The following DLG2 variants were observed in gnomAD, a reference collection of about 807,000 sequenced individuals.
DLG2 encodes the protein disks large homolog 2.
In DLG2, 45 loss-of-function variants were observed where a neutral mutation model predicts 132.5. The ratio of observed to expected loss-of-function variants is 0.34; its 90% CI spans 0.27 to 0.44. DLG2 has a LOEUF of 0.44. Among genes scored for constraint, DLG2 ranks in the 20% least tolerant of loss-of-function variants. DLG2 has a pLI of 1.00. For synonymous variants in DLG2, 424 were observed against 419.6 expected, an observed-to-expected ratio of 1.01 and a Z score of -0.13; for missense variants, 1,045 against 1,196.9, an observed-to-expected ratio of 0.87 and a Z score of 1.87.
At chr11:85,490,861 A>G (rs1346360078) in intron 3 of DLG2, among the ~76,000 whole-genome samples, 1 of 152,112 alleles carries the variant, frequency 6.6e-6, no homozygotes, top group East Asian at 1.9e-4. Context: ...AAAAACTAAT[A>G]CCAATCCTCC....
intron 11 of DLG2, among the ~76,000 whole-genome samples, chr11:84,000,745 A>G (rs933022949): frequency 1.3e-5 from 2 of 152,140 alleles, no homozygotes; most frequent in Non-Finnish European, 1.5e-5. Context: ...AGCCAATGAT[A>G]CTATGTACAG....
chr11:83,912,356 C>T (rs1371777716), intron 15 of DLG2, among the ~76,000 whole-genome samples: 1 of 152,000 alleles, frequency 6.6e-6, no homozygotes, highest in East Asian at 1.9e-4. Context: ...GCTGCAAAAC[C>T]TAGATCCAAG....
At chr11:84,648,499 T>C (rs2099677522) in intron 6 of DLG2, among the ~76,000 whole-genome samples, 1 of 152,210 alleles carries the variant, frequency 6.6e-6, no homozygotes, top group African/African-American at 2.4e-5. Context: ...ATTGTATCCG[T>C]TATAGTTTGG....
At chr11:84,864,443 T>C (rs954854158) in intron 6 of DLG2, among the ~76,000 whole-genome samples, 5 of 152,170 alleles carry the variant, frequency 3.3e-5, no homozygotes, top group Non-Finnish European at 7.4e-5. Flanking sequence ...TGGCCACACA[T>C]AGTTTTACTG....
intron 6 of DLG2, among the ~76,000 whole-genome samples, chr11:84,593,957 G>A (rs775363849): frequency 3.9e-5 from 6 of 152,032 alleles, no homozygotes; most frequent in Non-Finnish European, 7.4e-5. Flanking sequence ...AAATTTATTT[G>A]TCTTCAGAAC....
chr11:84,433,777 C>T (rs1014873987), intron 7 of DLG2, among the ~76,000 whole-genome samples: 1 of 151,990 alleles, frequency 6.6e-6, no homozygotes, highest in Admixed American at 6.6e-5. Flanking sequence ...AGTACAAATG[C>T]CAACGTTAAG....
intron 21 of DLG2, among the ~76,000 whole-genome samples, chr11:83,521,828 C>T (rs1264198089): frequency 6.6e-6 from 1 of 152,062 alleles, no homozygotes; most frequent in Non-Finnish European, 1.5e-5. Context: ...CTGAGTCATC[C>T]CACCGTCCTT....
intron 6 of DLG2, among the ~76,000 whole-genome samples, chr11:84,608,558 A>C (rs1418946197): frequency 6.6e-6 from 1 of 152,164 alleles, no homozygotes; most frequent in Admixed American, 6.6e-5. Flanking sequence ...GTTATGGCTA[A>C]ATTTGGAAAG....
intron 7 of DLG2, among the ~76,000 whole-genome samples, chr11:84,474,137 T>G (rs866285904): frequency 2.6e-5 from 4 of 152,062 alleles, no homozygotes; most frequent in Non-Finnish European, 4.4e-5. Context: ...ATCCCATTTC[T>G]GATCCCTTGT....
intron 13 of DLG2, among the ~76,000 whole-genome samples, chr11:83,964,597 T>C (rs2089747028): frequency 6.6e-6 from 1 of 151,996 alleles, no homozygotes; most frequent in African/African-American, 2.4e-5. Flanking sequence ...ATCCCTTACA[T>C]TTACATAACA....
chr11:85,603,063 A>G (rs2080281178), intron 2 of DLG2, among the ~76,000 whole-genome samples: 1 of 152,242 alleles, frequency 6.6e-6, no homozygotes. Flanking sequence ...GATTAGAAAT[A>G]TAGAAATAAA....
At chr11:84,096,681 A>C (rs1484015343) in intron 10 of DLG2, among the ~76,000 whole-genome samples, 1 of 152,142 alleles carries the variant, frequency 6.6e-6, no homozygotes, top group Non-Finnish European at 1.5e-5. Context: ...CTATTTCTAA[A>C]CTTTAAAAAT....
intron 6 of DLG2, among the ~76,000 whole-genome samples, chr11:84,535,285 A>C (rs2099352668): frequency 6.6e-6 from 1 of 152,188 alleles, no homozygotes; most frequent in Non-Finnish European, 1.5e-5. Flanking sequence ...TCTTTACTTC[A>C]CCCGCTAGGA....
At chr11:84,527,893 T>TTCTCTCTCTCTCTCTCTCTC (rs60170305) in intron 7 of DLG2, among the ~76,000 whole-genome samples, 2 of 125,594 alleles carry the variant, frequency 1.6e-5, no homozygotes, top group East Asian at 5.1e-4. Flanking sequence ...CTCCCTCCCT[T>TTCTCTCTCTCTCTCTCTCTC]TCTCTCTCTC....
intron 6 of DLG2, among the ~76,000 whole-genome samples, chr11:85,101,013 G>A (rs2152274236): frequency 6.6e-6 from 1 of 152,240 alleles, no homozygotes; most frequent in South Asian, 2.1e-4. Flanking sequence ...AATAATTTTA[G>A]TTTTTTATGT....
intron 19 of DLG2, among the ~76,000 whole-genome samples, chr11:83,615,695 G>A (rs2060698376): frequency 6.6e-6 from 1 of 152,186 alleles, no homozygotes; most frequent in Non-Finnish European, 1.5e-5. Flanking sequence ...TGCAATTGTT[G>A]ATTCTGAAGA....
intron 18 of DLG2, among the ~76,000 whole-genome samples, chr11:83,676,834 C>T (rs1459592394): frequency 1.3e-5 from 2 of 152,146 alleles, no homozygotes; most frequent in African/African-American, 4.8e-5. Flanking sequence ...TTATCCATGT[C>T]CCTTGGATTA....
chr11:85,359,357 A>T (rs2083972295), intron 3 of DLG2, among the ~76,000 whole-genome samples: 1 of 152,240 alleles, frequency 6.6e-6, no homozygotes, highest in Non-Finnish European at 1.5e-5. Context: ...TAACAAAAAC[A>T]AACCATAAGT....
intron 3 of DLG2, among the ~76,000 whole-genome samples, chr11:85,587,802 C>T (rs1273026552): frequency 1.3e-5 from 2 of 152,134 alleles, no homozygotes; most frequent in East Asian, 3.8e-4. Context: ...GTGAGATTTA[C>T]ACTTTAACGA....
Sources: gnomAD v4.1 joint callset for allele counts (sites outside exome capture counted in the v4.1 genomes callset) on GRCh38, gnomAD v4.1.1 for gene constraint, MANE v1.5 for transcripts, NCBI Gene and HGNC (gene_info 2026-07-23, HGNC 2026-07-21) for gene names.